CHL1: variants seen among roughly 807,000 people sequenced by gnomAD.
CHL1 encodes neural cell adhesion molecule L1-like protein.
A neutral mutation model predicts 141.9 loss-of-function variants in CHL1; 96 were observed. The observed-to-expected ratio is 0.68, with a 90% CI of 0.57 to 0.80. The LOEUF is 0.80. Among genes scored for constraint, CHL1 ranks in the 30% least tolerant of loss-of-function variants. The pLI, the probability that CHL1 is intolerant of heterozygous loss-of-function variation, is 0.00. For missense variants in CHL1, 1,820 were observed against 1,457.2 expected (o/e 1.25, Z -4.05); for synonymous variants, 613 against 502.2 (o/e 1.22, Z -2.95).
chr3:206,479 T>C (rs761482878), intron 1 of CHL1, among the ~76,000 whole-genome samples: 3 of 151,604 alleles, frequency 2.0e-5, no homozygotes, highest in Non-Finnish European at 4.4e-5. Context: ...AAAATCTTAA[T>C]GCAACTTTGG....
At chr3:302,783 A>G (rs1371350983) in intron 2 of CHL1, among the ~76,000 whole-genome samples, 3 of 152,108 alleles carry the variant, frequency 2.0e-5, no homozygotes, top group Admixed American at 1.3e-4. Flanking sequence ...TTTTGTTGCC[A>G]TTGCTTTTAG....
chr3:323,008 G>A (rs62227235), intron 3 of CHL1, among the ~76,000 whole-genome samples: 20,807 of 151,898 alleles, frequency 0.14, 1,692 homozygotes, highest in African/African-American at 0.21. Context: ...CTAGTGAACT[G>A]GGAAGTAGAT....
chr3:276,890 T>TAAAAAAAAA (rs11292528), intron 2 of CHL1, among the ~76,000 whole-genome samples: 2 of 64,424 alleles, frequency 3.1e-5, no homozygotes, highest in Non-Finnish European at 5.6e-5. Context: ...CTCCGTCTCC[T>TAAAAAAAAA]AAAAAAAAAA....
intron 27 of CHL1, among the ~76,000 whole-genome samples, chr3:403,657 C>T (rs927789912): frequency 6.6e-6 from 1 of 152,096 alleles, no homozygotes; most frequent in East Asian, 1.9e-4. Context: ...GTCTAAAAAC[C>T]CATTTCCCCA....
intron 1 of CHL1, among the ~76,000 whole-genome samples, chr3:237,833 C>G (rs1692140392): frequency 6.6e-6 from 1 of 152,078 alleles, no homozygotes; most frequent in African/African-American, 2.4e-5. Flanking sequence ...AGTGGAGAGT[C>G]AATATCTGTG....
At chr3:326,223 G>C (rs988684057) in intron 4 of CHL1, among the ~76,000 whole-genome samples, 159 bp downstream of exon 4, 5 of 151,876 alleles carry the variant, frequency 3.3e-5, no homozygotes, top group African/African-American at 7.2e-5. Flanking sequence ...AAAAAAATTT[G>C]GTTATTTCAC....
intron 24 of CHL1, 146 bp downstream of exon 24, chr3:395,018 C>A: frequency 1.5e-6 from 1 of 685,972 alleles, no homozygotes; most frequent in Non-Finnish European, 2.3e-6. Context: ...TTCTGTTTTC[C>A]ACTGACATAG....
chr3:274,758 G>C (rs1695941243), intron 2 of CHL1, among the ~76,000 whole-genome samples: 1 of 152,160 alleles, frequency 6.6e-6, no homozygotes, highest in African/African-American at 2.4e-5. Context: ...TGAAATACAG[G>C]TGTATCTGTC....
chr3:215,224 A>G (rs911299905), intron 1 of CHL1, among the ~76,000 whole-genome samples: 1 of 152,206 alleles, frequency 6.6e-6, no homozygotes, highest in Non-Finnish European at 1.5e-5. Context: ...ATTGAATAGT[A>G]CTCAGCCATA....
At chr3:218,159 G>A (rs961288090) in intron 1 of CHL1, among the ~76,000 whole-genome samples, 1 of 152,198 alleles carries the variant, frequency 6.6e-6, no homozygotes, top group Non-Finnish European at 1.5e-5. Flanking sequence ...ATAGCAGAGT[G>A]ATTGGGTGAT....
intron 2 of CHL1, among the ~76,000 whole-genome samples, chr3:317,235 A>C (rs1490721422): frequency 1.3e-5 from 2 of 152,006 alleles, no homozygotes; most frequent in African/African-American, 2.4e-5. Flanking sequence ...TTGGGTCAAG[A>C]CCATGCATTT....
rs1575067470 is a variant in CHL1 at position 323,475 on chromosome 3, A to G, written c.92-2484A>G. 2.0e-5 allele frequency among the ~76,000 whole-genome samples: 3 copies of G among 152,270 alleles called. No individual in the cohort carries two copies. In the East Asian group the frequency reaches 5.8e-4, roughly 29 times the overall value. On this transcript the variant is annotated intron_variant, in intron 3 of 27. Coordinates refer to ENST00000256509, the MANE Select transcript of CHL1 (RefSeq NM_006614.4). ...TTACAAAATCATTTGTAGATTAAAA[A>G]AAGTAAAATGGTTTAATGGTACACA...
Position 382,279 on chromosome 3 carries a change from C to T in CHL1, c.1977C>T (p.Ser659=), listed in dbSNP as rs771992179. 1.3e-5 allele frequency: 21 copies of T among 1,611,680 alleles called. No homozygotes were observed. Among genetic ancestry groups the T allele is most frequent in the Admixed American group, 5.0e-5 (3 of 59,882 alleles). The change falls in exon 17 of 28, where the codon AGC becomes AGT. Residue 659 remains serine (S), a splice_region_variant and synonymous_variant. Transcript: ENST00000256509. ...EAGADHNSNI[S]EYIVEFEGNK... is the part of the protein sequence containing the mutation. ...GAGCTGACCACAACAGCAATATTAG[C>T]GGTAGGAAGACTTGGGATAACTGTT...
intron 5 of CHL1, among the ~76,000 whole-genome samples, chr3:333,224 T>C (rs1701605659): frequency 6.7e-6 from 1 of 148,478 alleles, no homozygotes; most frequent in Non-Finnish European, 1.5e-5. Flanking sequence ...TACTTCATCA[T>C]CTGACAGCTT....
chr3:309,961 T>C (rs960110890), intron 2 of CHL1, among the ~76,000 whole-genome samples: 1 of 152,206 alleles, frequency 6.6e-6, no homozygotes, highest in Non-Finnish European at 1.5e-5. Flanking sequence ...GAGTCATTTT[T>C]CTATTAATGG....
At chr3:323,148 T>G (rs1388909511) in intron 3 of CHL1, among the ~76,000 whole-genome samples, 2 of 151,990 alleles carry the variant, frequency 1.3e-5, no homozygotes, top group African/African-American at 2.4e-5. Flanking sequence ...GTTGTTCAGA[T>G]AGATATAGGT....
intron 1 of CHL1, among the ~76,000 whole-genome samples, chr3:239,344 A>C (rs1230151714): frequency 6.6e-6 from 1 of 152,162 alleles, no homozygotes; most frequent in African/African-American, 2.4e-5. Context: ...CTAAAAGGCT[A>C]CTTGATTAGC....
intron 2 of CHL1, among the ~76,000 whole-genome samples, chr3:289,094 A>G (rs1697430826): frequency 6.6e-6 from 1 of 152,116 alleles, no homozygotes; most frequent in Admixed American, 6.5e-5. Context: ...CTCAAGAGAA[A>G]TGAATAATAT....
intron 1 of CHL1, among the ~76,000 whole-genome samples, chr3:222,735 A>G (rs962507811): frequency 3.9e-5 from 6 of 152,306 alleles, no homozygotes; most frequent in South Asian, 2.1e-4. Context: ...AGGGAAGGAA[A>G]AACAATTTTT....
Sources: gnomAD v4.1 joint callset for allele counts (sites outside exome capture counted in the v4.1 genomes callset) on GRCh38, gnomAD v4.1.1 for gene constraint, MANE v1.5 for transcripts, NCBI Gene and HGNC (gene_info 2026-07-23, HGNC 2026-07-21) for gene names.